The following PAPPA2 variants were observed in gnomAD, a reference collection of about 807,000 sequenced individuals.
PAPPA2 encodes the protein pappalysin 2.
PAPPA2 carries 86 observed loss-of-function variants against 176.4 expected under a neutral mutation model. The observed-to-expected ratio is 0.49, with a 90% confidence interval of 0.41 to 0.58. The LOEUF (loss-of-function observed/expected upper bound fraction) is 0.58. Among genes scored for constraint, PAPPA2 ranks in the 20% least tolerant of loss-of-function variants. The pLI is 0.00. For synonymous variants in PAPPA2, 809 were observed against 852.2 expected, an observed-to-expected ratio of 0.95 and a Z score of 0.88; for missense variants, 2,073 against 2,256.9, an observed-to-expected ratio of 0.92 and a Z score of 1.65.
intron 7 of PAPPA2, among the ~76,000 whole-genome samples, chr1:176,696,377 C>A (rs1362143504): frequency 6.6e-6 from 1 of 151,996 alleles, no homozygotes; most frequent in Non-Finnish European, 1.5e-5. Flanking sequence ...GTGGGGAGAC[C>A]AGGTGTTCCA....
chr1:176,655,512 G>T (rs753421735), intron 3 of PAPPA2, among the ~76,000 whole-genome samples: 16 of 151,582 alleles, frequency 1.1e-4, no homozygotes, highest in Non-Finnish European at 2.2e-4. Flanking sequence ...GCCAACAAGC[G>T]GATTAAAAAA....
At chr1:176,499,878 G>A (rs1375754876) in intron 1 of PAPPA2, among the ~76,000 whole-genome samples, 1 of 152,188 alleles carries the variant, frequency 6.6e-6, no homozygotes, top group African/African-American at 2.4e-5. Context: ...ACTGAACAAA[G>A]GCTTGCAACA....
At chr1:176,595,703 A>G (rs2102652043) in intron 3 of PAPPA2, 108 bp downstream of exon 3, 1 of 1,057,280 alleles carries the variant, frequency 9.5e-7, no homozygotes, top group South Asian at 1.6e-5. Context: ...TGAATAAGAC[A>G]TTAATCCACC....
At chr1:176,696,324 C>T (rs113737171) in intron 7 of PAPPA2, among the ~76,000 whole-genome samples, 8 of 127,992 alleles carry the variant, frequency 6.3e-5, no homozygotes, top group Non-Finnish European at 1.3e-4. Flanking sequence ...GTGGGGGGAC[C>T]GCAGAGAAAA....
chr1:176,556,128 A>T lies in PAPPA2; in HGVS notation c.-195A>T. 1 of 641,364 alleles carries T rather than the reference A, an allele frequency of 1.6e-6. No individual in the cohort carries two copies. Among genetic ancestry groups the T allele is most frequent in the South Asian group, 2.1e-5 (1 of 48,590 alleles). The allele number at this position is 641,364 out of a possible 1,614,324, so 39.7% of individuals were successfully genotyped here. A position where few individuals can be genotyped will look rare whatever the true frequency, so the allele number is the denominator to read the frequency against. ...CATGCCCTGGGGAGGCATAGAAGCC[A>T]CACTGGCAGAGCGGCCAGCACAGGT... is the stretch of plus-strand genomic sequence containing the variant. On this transcript the variant is annotated 5_prime_UTR_variant, in exon 2 of 23. Transcript: ENST00000367662.
intron 1 of PAPPA2, among the ~76,000 whole-genome samples, chr1:176,546,734 T>C (rs1650658258): frequency 6.6e-6 from 1 of 152,118 alleles, no homozygotes; most frequent in Admixed American, 6.6e-5. Context: ...AACATACAAA[T>C]AGAAAATAAT....
chr1:176,556,925 G>A lies in PAPPA2; in HGVS notation c.603G>A (p.Val201=), dbSNP rs1158690268. 2 of 1,614,164 alleles carry A rather than the reference G, an allele frequency of 1.2e-6. No individual in the cohort carries two copies. The highest frequency in any genetic ancestry group is 2.2e-5 in the South Asian group (2 of 91,080). The change falls in exon 2 of 23, where the codon GTG becomes GTA. Residue 201 remains valine (V), a synonymous_variant. Coordinates refer to ENST00000367662, the MANE Select transcript of PAPPA2 (RefSeq NM_020318.3). ...GWAKSRQRRQ[V]WKRRAEDGQG... ...CCAAGTCCAGGCAGCGTCGCCAAGT[G>A]TGGAAGAGGCGGGCGGAAGATGGGC... is the stretch of plus-strand genomic sequence containing the variant.
intron 3 of PAPPA2, among the ~76,000 whole-genome samples, chr1:176,598,264 A>G (rs1207864820): frequency 6.7e-6 from 1 of 149,696 alleles, no homozygotes; most frequent in Admixed American, 6.7e-5. Flanking sequence ...TATTTTTTTC[A>G]CCTGTTTTTT....
At chr1:176,631,046 G>C (rs1656308332) in intron 3 of PAPPA2, among the ~76,000 whole-genome samples, 1 of 152,164 alleles carries the variant, frequency 6.6e-6, no homozygotes, top group Non-Finnish European at 1.5e-5. Flanking sequence ...TAAATGAGGA[G>C]ACGTTAGAAG....
At chr1:176,807,497 CTTTT>C (rs1156629514) in intron 21 of PAPPA2, among the ~76,000 whole-genome samples, 1 of 137,762 alleles carries the variant, frequency 7.3e-6, no homozygotes, top group Admixed American at 7.3e-5. Flanking sequence ...TTCTTTCTTT[CTTTT>C]TTTTTTTTTT....
chr1:176,610,576 T>C (rs1376666524), intron 3 of PAPPA2, among the ~76,000 whole-genome samples: 1 of 152,026 alleles, frequency 6.6e-6, no homozygotes, highest in Admixed American at 6.6e-5. Flanking sequence ...AAGGAGATGC[T>C]CCCCCTAGAC....
intron 3 of PAPPA2, among the ~76,000 whole-genome samples, chr1:176,651,469 A>G (rs985675842): frequency 1.3e-5 from 2 of 151,726 alleles, no homozygotes; most frequent in South Asian, 4.2e-4. Context: ...TGATCTGTAT[A>G]GTTTCCATAG....
At chr1:176,642,902 C>G (rs1028169398) in intron 3 of PAPPA2, among the ~76,000 whole-genome samples, 1 of 151,918 alleles carries the variant, frequency 6.6e-6, no homozygotes, top group Admixed American at 6.6e-5. Context: ...CTATGACATT[C>G]TCTTCTTTTT....
At chr1:176,817,314 A>G (rs1019600627) in intron 21 of PAPPA2, among the ~76,000 whole-genome samples, 1 of 152,286 alleles carries the variant, frequency 6.6e-6, no homozygotes. Flanking sequence ...GAGAACCACT[A>G]GAGGATGGAG....
At chr1:176,629,899 A>G (rs10913220) in intron 3 of PAPPA2, among the ~76,000 whole-genome samples, 37,950 of 151,884 alleles carry the variant, frequency 0.25, 4,879 homozygotes, top group South Asian at 0.33. Flanking sequence ...AGGCTTTCTG[A>G]AAAATGTAAG....
rs116486939 is a variant in PAPPA2, at chr1:176,716,903, G to A, written c.3798+4922G>A. Among the ~76,000 whole-genome samples the A allele has an allele frequency of 6.9e-3, 1,052 of 152,154 alleles. 5 individuals are homozygous for A. The highest frequency in any genetic ancestry group is 0.011 in the Non-Finnish European group (744 of 68,006). ...TGGGATTACAGGTGTGAGACACTGC[G>A]CCCGGCCACAACAATTCCATATAAA... On this transcript the variant is annotated intron_variant, in intron 12 of 22. Coordinates refer to ENST00000367662, the MANE Select transcript of PAPPA2 (RefSeq NM_020318.3).
intron 4 of PAPPA2, among the ~76,000 whole-genome samples, chr1:176,678,259 C>CCTATTATTGG (rs1365778988): frequency 1.1e-4 from 16 of 152,276 alleles, no homozygotes; most frequent in Admixed American, 7.9e-4. Flanking sequence ...AACACCTAAA[C>CCTATTATTGG]ATCCAATAAT....
At position 176,692,078 on chromosome 1, in the gene PAPPA2, G is replaced by A. The variant is rs1660143244; in HGVS notation, c.2432-48G>A. 3.3e-6 allele frequency: 5 copies of A among 1,533,560 alleles called. No homozygotes were observed. The East Asian group carries it at 1.1e-4, about 35-fold the overall frequency. 95.0% of individuals were successfully genotyped at this position (1,533,560 alleles called of 1,614,324 possible). A position where few individuals can be genotyped will look rare whatever the true frequency, so the allele number is the denominator to read the frequency against. ...AATTTATCCCTGCCTTGGTGGACTT[G>A]ATGGGTTAAAATCTCCATCTCTTGT... On this transcript the variant is annotated intron_variant, in intron 5 of 22. Transcript: ENST00000367662.
chr1:176,700,658 T>C (rs1011716214), intron 8 of PAPPA2, among the ~76,000 whole-genome samples: 1 of 152,204 alleles, frequency 6.6e-6, no homozygotes, highest in African/African-American at 2.4e-5. Flanking sequence ...GCTTACACTT[T>C]TCAAATCTTT....
Sources: allele counts gnomAD v4.1 joint callset (sites outside exome capture counted in the v4.1 genomes callset), GRCh38; gene constraint gnomAD v4.1.1; transcripts MANE v1.5; gene names NCBI Gene and HGNC (gene_info 2026-07-23, HGNC 2026-07-21).